IGSF9B: variants seen among roughly 807,000 people sequenced by gnomAD.
The protein encoded by IGSF9B is protein turtle homolog B.
IGSF9B carries 48 observed loss-of-function variants against 143.7 expected under a neutral mutation model. The ratio of observed to expected loss-of-function variants is 0.33; its 90% CI spans 0.26 to 0.42. The LOEUF is 0.42. Among genes scored for constraint, IGSF9B ranks in the 20% least tolerant of loss-of-function variants. The pLI is 1.00. For synonymous variants in IGSF9B, 903 were observed against 833.1 expected, an observed-to-expected ratio of 1.08 and a Z score of -1.44; for missense variants, 1,706 against 1,980.0, an observed-to-expected ratio of 0.86 and a Z score of 2.63.
rs1170203546 is a variant in IGSF9B, at chr11:133,908,378, T to C, written c.*691A>G. Among the ~76,000 whole-genome samples, 1 of 152,074 alleles carries C rather than the reference T, an allele frequency of 6.6e-6. No individual in the cohort carries two copies. Among genetic ancestry groups the C allele is most frequent in the Non-Finnish European group, 1.5e-5 (1 of 68,012 alleles). On this transcript the variant is annotated 3_prime_UTR_variant, in exon 20 of 20. Transcript: ENST00000533871. ...TCACAGCAAGGCCCCATTTCTGCTC[T>C]GGGTGGGAGAAGGTAGGAGACACAC...
At chr11:133,918,589 C>T (rs1009041866) in intron 18 of IGSF9B, among the ~76,000 whole-genome samples, 3 of 152,046 alleles carry the variant, frequency 2.0e-5, no homozygotes, top group Middle Eastern at 3.4e-3. Context: ...CTTCCTCGGC[C>T]GGCCCCGGAG....
rs763145037 is a variant in IGSF9B at position 133,919,793 on chromosome 11, C to G, written c.3932G>C (p.Gly1311Ala). The stretch of plus-strand genomic sequence containing the variant: ...GGTCTCCGGTCGGAGCAATTCCTCC[C>G]CCGTCCTTCGAGGGGAAGGCGTCTG... ...FGQTPSPRRTGEELLRPETPP... is the reference protein window; with the variant it reads ...FGQTPSPRRTAEELLRPETPP... The change falls in exon 18 of 20, where the codon GGG (glycine) becomes GCG (alanine). Residue 1311 changes from glycine (G) to alanine (A), a missense_variant. Coordinates refer to ENST00000533871, the MANE Select transcript of IGSF9B (RefSeq NM_001277285.4). 1 of 1,503,940 alleles carries G rather than the reference C, an allele frequency of 6.6e-7. No individual in the cohort carries two copies. Among genetic ancestry groups the G allele is most frequent in the Non-Finnish European group, 8.9e-7 (1 of 1,124,024 alleles). 93.2% of individuals were successfully genotyped at this position (1,503,940 alleles called of 1,614,324 possible).
At position 133,920,873 on chromosome 11, in the gene IGSF9B, C is replaced by T. The variant is rs1323943798; in HGVS notation, c.2852G>A (p.Gly951Asp). Residue 951 changes from glycine (G) to aspartate (D), a missense_variant, in exon 18 of 20, where the codon GGC becomes GAC. Physicochemically the swap from Gly to Asp is moderately conservative, Grantham distance 94 (BLOSUM62 -1). Coordinates refer to ENST00000533871, the MANE Select transcript of IGSF9B (RefSeq NM_001277285.4). ...CCGGGGGGCAGGGGGCCGGGCCTGG[C>T]CTGTGGCCTGAAGCCGACCTTCCAG... is the stretch of plus-strand genomic sequence containing the variant. ...GGLEGRLQAT[G>D]QARPPAPRPF... The T allele has an allele frequency of 3.1e-6, 5 of 1,605,730 alleles. No homozygotes were observed. The South Asian group carries it at 5.5e-5, about 18-fold the overall frequency.
chr11:133,931,442 G>A lies in IGSF9B; in HGVS notation c.1368+11C>T. 2 of 1,593,824 alleles carry A rather than the reference G, an allele frequency of 1.3e-6. No individual in the cohort carries two copies. On this transcript the variant is annotated intron_variant, in intron 10 of 19. Coordinates refer to ENST00000533871, the MANE Select transcript of IGSF9B (RefSeq NM_001277285.4). The surrounding 1 kb of genome is among the most constrained non-coding windows in gnomAD (Gnocchi z 7.7). The stretch of plus-strand genomic sequence containing the variant: ...CCTCCCTGCAGACCCAGGGCTCCAG[G>A]GCCCAGGTACCTTTCTCCAAGTGAT...
rs753612386 is a variant in IGSF9B at position 133,935,588 on chromosome 11, C to A, written c.967+29G>T. 8.2e-6 allele frequency: 13 copies of A among 1,593,412 alleles called. No individual in the cohort carries two copies. The Admixed American group carries it at 8.7e-5, about 11-fold the overall frequency. ...CACCAAAACCTTCTGGGAGCCCCAC[C>A]ACCCAGGCTCCCCTGCACCCCTACT... On this transcript the variant is annotated intron_variant, in intron 7 of 19. Transcript: ENST00000533871.
intron 6 of IGSF9B, 98 bp downstream of exon 6, chr11:133,935,954 AG>A (rs1299283953): frequency 6.8e-7 from 1 of 1,467,292 alleles, no homozygotes; most frequent in African/African-American, 1.4e-5. Flanking sequence ...CCCAGCTCCA[AG>A]AGCCACGGGC....
intron 1 of IGSF9B, 93 bp from the exon 2 acceptor site, chr11:133,946,351 C>A: frequency 9.0e-7 from 1 of 1,109,726 alleles, no homozygotes. Context: ...TCACCCCGCC[C>A]CCCACCAGCT....
At chr11:133,910,621 G>A (rs549891101) in intron 19 of IGSF9B, among the ~76,000 whole-genome samples, 6 of 152,192 alleles carry the variant, frequency 3.9e-5, no homozygotes, top group South Asian at 4.2e-4. Context: ...TCGTAAAGGC[G>A]TATGAAACAC....
In IGSF9B at chr11:133,950,460, C is replaced by T. The variant is rs186642589; in HGVS notation, c.65-4202G>A. 1.7e-3 allele frequency among the ~76,000 whole-genome samples: 260 copies of T among 152,342 alleles called. 2 individuals carry two copies. The highest frequency in any genetic ancestry group is 2.9e-3 in the Non-Finnish European group (199 of 68,036). On this transcript the variant is annotated intron_variant, in intron 1 of 19. Transcript: ENST00000533871. ...AAAATGAGCAAACGGGGAGTTGCGC[C>T]GCTCACCCAAAGTTACTAGGTTCCA...
chr11:133,949,961 A>G (rs984695609), intron 1 of IGSF9B, among the ~76,000 whole-genome samples: 2 of 152,258 alleles, frequency 1.3e-5, no homozygotes, highest in African/African-American at 4.8e-5. Flanking sequence ...GGGTGTGTCC[A>G]GCTCCCTTTG....
chr11:133,954,921 T>C (rs1276452929), intron 1 of IGSF9B, among the ~76,000 whole-genome samples: 1 of 152,230 alleles, frequency 6.6e-6, no homozygotes, highest in African/African-American at 2.4e-5. Flanking sequence ...TGGGAAGCCC[T>C]TCCTTCTATC....
intron 3 of IGSF9B, among the ~76,000 whole-genome samples, chr11:133,942,048 C>G (rs969467618): frequency 6.6e-6 from 1 of 152,178 alleles, no homozygotes; most frequent in Non-Finnish European, 1.5e-5. Context: ...ATGTCCAAAA[C>G]TATGTTTCGA....
rs1184168194 is a variant in IGSF9B at position 133,898,004 on chromosome 11, G to T, written c.*11065C>A. On this transcript the variant is annotated 3_prime_UTR_variant, in exon 20 of 20. Transcript: ENST00000533871. ...CAAACCCCTAGGGAAAAATCAGAAA[G>T]AAGACAAAATACAGCAAGATATCAG... The T allele has an allele frequency of 1.3e-5, 2 of 152,224 alleles. No homozygotes were observed. The highest frequency in any genetic ancestry group is 2.9e-5 in the Non-Finnish European group (2 of 68,090). 9.4% of individuals were successfully genotyped at this position (152,224 alleles called of 1,614,324 possible). A position where few individuals can be genotyped will look rare whatever the true frequency, so the allele number is the denominator to read the frequency against.
intron 1 of IGSF9B, 139 bp from the exon 2 acceptor site, chr11:133,946,397 C>CCTGGGACCCT: frequency 1.5e-6 from 1 of 677,102 alleles, no homozygotes; most frequent in Non-Finnish European, 2.6e-6. Flanking sequence ...CCAGGAGGGT[C>CCTGGGACCCT]CCAGGCACAC....
In IGSF9B at chr11:133,931,972, A is replaced by C; in HGVS notation, c.1110+99T>G. The C allele has an allele frequency of 6.6e-7, 1 of 1,506,778 alleles. No individual in the cohort carries two copies. The highest frequency in any genetic ancestry group is 1.3e-5 in the South Asian group (1 of 76,210). The allele number at this position is 1,506,778 out of a possible 1,614,324, so 93.3% of individuals were successfully genotyped here. A position where few individuals can be genotyped will look rare whatever the true frequency, so the allele number is the denominator to read the frequency against. On this transcript the variant is annotated intron_variant, in intron 8 of 19. Coordinates refer to ENST00000533871, the MANE Select transcript of IGSF9B (RefSeq NM_001277285.4). The surrounding 1 kb of genome is among the most constrained non-coding windows in gnomAD (Gnocchi z 7.7). ...TCTCTGTTTGCCCAGGGCTTTTGGA[A>C]GGGGCCAGGAGTCCTGGCAGAAATC...
rs1399866351 is a variant in IGSF9B, at chr11:133,935,639, G to C, written c.945C>G (p.Ala315=). ...PSNSLGRSPS[A]SAYLTVQYPA... The stretch of plus-strand genomic sequence containing the variant: ...CACACTGCACGGTCAGGTACGCCGA[G>C]GCGGAGGGGGAGCGCCCCAGGCTGT... Residue 315 remains alanine (A), a synonymous_variant, in exon 7 of 20, where the codon GCC becomes GCG. Transcript: ENST00000533871. 6.2e-7 allele frequency: 1 copy of C among 1,610,690 alleles called. No homozygotes were observed. The highest frequency in any genetic ancestry group is 8.5e-7 in the Non-Finnish European group (1 of 1,178,854).
rs59414581 is a variant in IGSF9B at position 133,948,617 on chromosome 11, CTGTGTGTGTGTGTG to C, written c.65-2373_65-2360del. 5.8e-3 allele frequency among the ~76,000 whole-genome samples: 822 copies of C among 140,996 alleles called. 8 individuals are homozygous for C. Among genetic ancestry groups the C allele is most frequent in the African/African-American group, 0.019 (729 of 37,408 alleles). 92.5% of individuals were successfully genotyped at this position (140,996 alleles called of 152,430 possible). A position where few individuals can be genotyped will look rare whatever the true frequency, so the allele number is the denominator to read the frequency against. ...TGGGTGCCATGAGTTTGCAGAGAAGCTGTGTGTGTGTGTGTGTGTGTGTGTGTGTGTGTGTGTGT... is the reference window on the plus strand; with the variant it reads ...TGGGTGCCATGAGTTTGCAGAGAAGCTGTGTGTGTGTGTGTGTGTGTGTGT... On this transcript the variant is annotated intron_variant, in intron 1 of 19. Transcript: ENST00000533871. The surrounding 1 kb of genome is among the most constrained non-coding windows in gnomAD (Gnocchi z 4.7).
At position 133,913,272 on chromosome 11, in the gene IGSF9B, A is replaced by T. The variant is rs1297947930; in HGVS notation, c.3984-1265T>A. Among the ~76,000 whole-genome samples the T allele has an allele frequency of 2.6e-5, 4 of 152,104 alleles. No individual in the cohort carries two copies. Among genetic ancestry groups the T allele is most frequent in the Admixed American group, 2.6e-4 (4 of 15,266 alleles). On this transcript the variant is annotated intron_variant, in intron 18 of 19. Transcript: ENST00000533871. The surrounding 1 kb of genome is among the most constrained non-coding windows in gnomAD (Gnocchi z 4.6). ...GTCCTGATTAAAAGAGGTAGGACAG[A>T]CAATGCTGTGAGGGCAAAAGAAGAC...
intron 1 of IGSF9B, among the ~76,000 whole-genome samples, chr11:133,952,662 G>C (rs1940182249): frequency 6.6e-6 from 1 of 152,146 alleles, no homozygotes; most frequent in Non-Finnish European, 1.5e-5. Context: ...ACACATACAG[G>C]TGTGCACACA....
Sources: gnomAD v4.1 joint callset for allele counts (sites outside exome capture counted in the v4.1 genomes callset) on GRCh38, gnomAD v4.1.1 for gene constraint, Gnocchi (gnomAD v3.1) non-coding constraint, MANE v1.5 for transcripts, NCBI Gene and HGNC (gene_info 2026-07-23, HGNC 2026-07-21) for gene names.